Variants in GNRHR observed in about 807,000 individuals in gnomAD.
GNRHR encodes gonadotropin-releasing hormone receptor.
A neutral mutation model predicts 28.1 loss-of-function variants in GNRHR; 14 were observed. The ratio of observed to expected loss-of-function variants is 0.50; its 90% CI spans 0.33 to 0.78. GNRHR has a LOEUF of 0.78. Among genes scored for constraint, GNRHR ranks in the 30% least tolerant of loss-of-function variants. The pLI, the probability that GNRHR is intolerant of heterozygous loss-of-function variation, is 0.02. For missense variants in GNRHR, 366 were observed against 382.1 expected (o/e 0.96, Z 0.35); for synonymous variants, 141 against 140.5 (o/e 1.00, Z -0.02).
At chr4:67,752,070 A>T (rs1731879167) in intron 1 of GNRHR, among the ~76,000 whole-genome samples, 1 of 152,002 alleles carries the variant, frequency 6.6e-6, no homozygotes, top group Non-Finnish European at 1.5e-5. Flanking sequence ...TTTATTTGAA[A>T]TGTCTCTTTT....
chr4:67,752,552 G>T (rs368437835), intron 1 of GNRHR, among the ~76,000 whole-genome samples: 15 of 152,196 alleles, frequency 9.9e-5, no homozygotes, highest in African/African-American at 3.4e-4. Flanking sequence ...AATTTTAAGA[G>T]CATAAGCCTT....
In GNRHR at chr4:67,738,165, T is replaced by C. The variant is rs552049094; in HGVS notation, c.*2315A>G. On this transcript the variant is annotated 3_prime_UTR_variant, in exon 3 of 3. Coordinates refer to ENST00000226413, the MANE Select transcript of GNRHR (RefSeq NM_000406.3). ...AAGCAATCTTGTTTCAATATTTACA[T>C]TTTTATGTTTGCATATAAATAGATG... Among the ~76,000 whole-genome samples the C allele has an allele frequency of 1.3e-5, 2 of 151,870 alleles. No homozygotes were observed. The highest frequency in any genetic ancestry group is 4.8e-5 in the African/African-American group (2 of 41,532).
intron 2 of GNRHR, among the ~76,000 whole-genome samples, chr4:67,741,271 C>T (rs1189921083): frequency 6.6e-6 from 1 of 151,920 alleles, no homozygotes; most frequent in African/African-American, 2.4e-5. Flanking sequence ...CATAGCTTAG[C>T]TCCCACATAT....
In GNRHR at chr4:67,754,373, G is replaced by A. The variant is rs746932077; in HGVS notation, c.-38C>T. 6.5e-7 allele frequency: 1 copy of A among 1,530,986 alleles called. No individual in the cohort carries two copies. The highest frequency in any genetic ancestry group is 1.1e-5 in the South Asian group (1 of 89,618). The allele number at this position is 1,530,986 out of a possible 1,614,324, so 94.8% of individuals were successfully genotyped here. A position where few individuals can be genotyped will look rare whatever the true frequency, so the allele number is the denominator to read the frequency against. On this transcript the variant is annotated 5_prime_UTR_variant, in exon 1 of 3. Transcript: ENST00000226413. ...CAGAGCTTCAAGCCTTGTGTCTCTGGTGCATCTGATATTTTATTGTAACCG... is the reference window on the plus strand; with the variant it reads ...CAGAGCTTCAAGCCTTGTGTCTCTGATGCATCTGATATTTTATTGTAACCG...
At chr4:67,749,694 C>T (rs1054644481) in intron 1 of GNRHR, among the ~76,000 whole-genome samples, 1 of 144,724 alleles carries the variant, frequency 6.9e-6, no homozygotes, top group Non-Finnish European at 1.5e-5. Flanking sequence ...TCCTTTCCTT[C>T]GTTCCTTCCT....
rs2109979485 is a variant in GNRHR, at chr4:67,737,796, G to C, written c.*2684C>G. Reference sequence around the variant, plus strand: ...TAGTTTTATAGGCTAAGTAAAGGAAGAGAAACCAAGATAGAATCTCCAATA... The same window carrying C: ...TAGTTTTATAGGCTAAGTAAAGGAACAGAAACCAAGATAGAATCTCCAATA... On this transcript the variant is annotated 3_prime_UTR_variant, in exon 3 of 3. Transcript: ENST00000226413. Among the ~76,000 whole-genome samples, 1 of 151,990 alleles carries C rather than the reference G, an allele frequency of 6.6e-6. No homozygotes were observed. Among genetic ancestry groups the C allele is most frequent in the South Asian group, 2.1e-4 (1 of 4,832 alleles).
In GNRHR at chr4:67,739,818, A is replaced by G. The variant is rs535382437; in HGVS notation, c.*662T>C. 1.3e-5 allele frequency: 2 copies of G among 152,304 alleles called. No individual in the cohort carries two copies. Among genetic ancestry groups the G allele is most frequent in the Non-Finnish European group, 2.9e-5 (2 of 68,036 alleles). The allele number at this position is 152,304 out of a possible 1,614,324, so 9.4% of individuals were successfully genotyped here. A position where few individuals can be genotyped will look rare whatever the true frequency, so the allele number is the denominator to read the frequency against. ...TAACCCCTCTAAAATTTCCCTTTAT[A>G]TAGAGATACTTCACAACCTGTACCA... On this transcript the variant is annotated 3_prime_UTR_variant, in exon 3 of 3. Transcript: ENST00000226413.
intron 1 of GNRHR, among the ~76,000 whole-genome samples, chr4:67,749,944 A>G (rs1463310300): frequency 6.6e-6 from 1 of 152,108 alleles, no homozygotes; most frequent in African/African-American, 2.4e-5. Flanking sequence ...CCATACTCAT[A>G]TTTCTGTACT....
chr4:67,753,008 G>T (rs1181584317), intron 1 of GNRHR, among the ~76,000 whole-genome samples: 1 of 152,188 alleles, frequency 6.6e-6, no homozygotes, highest in Admixed American at 6.5e-5. Context: ...TTATTTTCAA[G>T]AATTTGTCCT....
chr4:67,740,480 T>C lies in GNRHR; in HGVS notation c.987A>G (p.Ter329TrpextTer22). 1 of 1,599,740 alleles carries C rather than the reference T, an allele frequency of 6.3e-7. No individual in the cohort carries two copies. Residue 329 changes from the stop codon to tryptophan, a stop_lost, in exon 3 of 3, where the codon TGA becomes TGG. Coordinates refer to ENST00000226413, the MANE Select transcript of GNRHR (RefSeq NM_000406.3). Reference protein sequence around the residue: ...DPLIYGYFSL* With the variant: ...DPLIYGYFSLW ...TATGACTTCTTGTGTAGTCTATCAA[T>C]CACAGAGAAAAATATCCATAGATAA...
At chr4:67,743,428 T>C (rs1430006460) in intron 2 of GNRHR, among the ~76,000 whole-genome samples, 1 of 152,248 alleles carries the variant, frequency 6.6e-6, no homozygotes, top group Non-Finnish European at 1.5e-5. Flanking sequence ...ATTGGTTTAC[T>C]GTTTATGACT....
chr4:67,741,674 A>T lies in GNRHR; in HGVS notation c.743-950T>A, dbSNP rs150790650. Among the ~76,000 whole-genome samples the T allele has an allele frequency of 4.0e-3, 612 of 152,352 alleles. 2 individuals are homozygous for T. The highest frequency in any genetic ancestry group is 6.8e-3 in the Non-Finnish European group (460 of 68,040). ...TAGTTAACATTCCCACCAACAGTGTAAAAGTGTTCCCTTTTCACTGCATCC... is the reference window on the plus strand; with the variant it reads ...TAGTTAACATTCCCACCAACAGTGTTAAAGTGTTCCCTTTTCACTGCATCC... On this transcript the variant is annotated intron_variant, in intron 2 of 2. Coordinates refer to ENST00000226413, the MANE Select transcript of GNRHR (RefSeq NM_000406.3).
At chr4:67,746,989 A>T (rs1731766195) in intron 1 of GNRHR, among the ~76,000 whole-genome samples, 1 of 152,152 alleles carries the variant, frequency 6.6e-6, no homozygotes, top group South Asian at 2.1e-4. Context: ...TTCCCACATT[A>T]CAAAGTGAGA....
chr4:67,744,759 G>A lies in GNRHR; in HGVS notation c.551C>T (p.Ala184Val). The A allele has an allele frequency of 6.3e-7, 1 of 1,592,496 alleles. No homozygotes were observed. Among genetic ancestry groups the A allele is most frequent in the Non-Finnish European group, 8.6e-7 (1 of 1,160,284 alleles). ...QLYIFRMIHL[A>V]DSSGQTKVFS... ...AACTTTTGTCTGTCCAGAGCTGTCTGCTAGATGAATCATCCTGAAGATGTA... is the reference window on the plus strand; with the variant it reads ...AACTTTTGTCTGTCCAGAGCTGTCTACTAGATGAATCATCCTGAAGATGTA... The change falls in exon 2 of 3, where the codon GCA becomes GTA. Residue 184 changes from alanine to valine, a missense_variant. Coordinates refer to ENST00000226413, the MANE Select transcript of GNRHR (RefSeq NM_000406.3).
chr4:67,751,490 T>C (rs916004626), intron 1 of GNRHR, among the ~76,000 whole-genome samples: 1 of 152,208 alleles, frequency 6.6e-6, no homozygotes, highest in East Asian at 1.9e-4. Context: ...GTGGCTCACA[T>C]TCACATAAAT....
At chr4:67,745,785 A>G (rs930539625) in intron 1 of GNRHR, among the ~76,000 whole-genome samples, 12 of 152,138 alleles carry the variant, frequency 7.9e-5, no homozygotes, top group African/African-American at 1.9e-4. Context: ...TATGTAATGC[A>G]TTGAGAACTT....
rs1187177405 is a variant in GNRHR, at chr4:67,739,463, A to G, written c.*1017T>C. On this transcript the variant is annotated 3_prime_UTR_variant, in exon 3 of 3. Coordinates refer to ENST00000226413, the MANE Select transcript of GNRHR (RefSeq NM_000406.3). ...TCAAGATCTTTCCCTCCTTCCCCTG[A>G]CATGTTCTGTCTTCTTTGATCTGTA... 3 of 152,046 alleles carry G rather than the reference A, an allele frequency of 2.0e-5. No individual in the cohort carries two copies. The highest frequency in any genetic ancestry group is 7.2e-5 in the African/African-American group (3 of 41,428). 9.4% of individuals were successfully genotyped at this position (152,046 alleles called of 1,614,324 possible).
In GNRHR at chr4:67,744,665, G is replaced by A. The variant is rs754126617; in HGVS notation, c.645C>T (p.Thr215=). The A allele has an allele frequency of 7.4e-6, 12 of 1,612,702 alleles. No individual in the cohort carries two copies. Among genetic ancestry groups the A allele is most frequent in the African/African-American group, 1.3e-5 (1 of 75,002 alleles). The change falls in exon 2 of 3, where the codon ACC becomes ACT. Residue 215 remains threonine, a synonymous_variant. Coordinates refer to ENST00000226413, the MANE Select transcript of GNRHR (RefSeq NM_000406.3). ...GAGGGATGATGAAGAGGCAGCTGAA[G>A]GTGAAAAAGTTATAAAATGCTTGAT... ...WWHQAFYNFF[T]FSCLFIIPLF... is the part of the protein sequence containing the mutation.
chr4:67,752,328 C>T (rs1175865143), intron 1 of GNRHR, among the ~76,000 whole-genome samples: 1 of 151,796 alleles, frequency 6.6e-6, no homozygotes, highest in African/African-American at 2.4e-5. Flanking sequence ...TCTCCCACCT[C>T]AGCCTCCCAA....
Sources: gnomAD v4.1 joint callset for allele counts (sites outside exome capture counted in the v4.1 genomes callset) on GRCh38, gnomAD v4.1.1 for gene constraint, MANE v1.5 for transcripts, NCBI Gene and HGNC (gene_info 2026-07-23, HGNC 2026-07-21) for gene names.